Variants in COL11A1 observed in about 807,000 individuals in gnomAD.
The protein encoded by COL11A1 is collagen alpha-1(XI) chain.
COL11A1 carries 74 observed loss-of-function variants against 265.2 expected under a neutral mutation model. The observed-to-expected ratio is 0.28, with a 90% confidence interval of 0.23 to 0.34. COL11A1 has a LOEUF of 0.34. COL11A1 is among the 10% of genes least tolerant of loss of function. The pLI is 1.00. For synonymous variants in COL11A1, 816 were observed against 727.6 expected (o/e 1.12, Z -1.96); for missense variants, 2,165 against 2,263.6 (o/e 0.96, Z 0.88).
At chr1:103,040,249 T>C (rs1251100388) in intron 4 of COL11A1, among the ~76,000 whole-genome samples, 2 of 151,424 alleles carry the variant, frequency 1.3e-5, no homozygotes, top group African/African-American at 4.8e-5. Context: ...TTGAACTATG[T>C]GTGTATACAT....
intron 25 of COL11A1, among the ~76,000 whole-genome samples, chr1:102,997,513 C>T (rs1434234327): frequency 6.6e-6 from 1 of 151,848 alleles, no homozygotes; most frequent in Non-Finnish European, 1.5e-5. Context: ...TTCAAAGGGG[C>T]ACTAAGACAT....
intron 24 of COL11A1, among the ~76,000 whole-genome samples, chr1:102,998,727 T>C (rs556771415): frequency 7.9e-5 from 12 of 152,012 alleles, no homozygotes; most frequent in Admixed American, 2.0e-4. Context: ...AAGATTGTAT[T>C]ATTTCCCTCA....
At chr1:103,030,533 C>CT (rs1324585044) in intron 5 of COL11A1, among the ~76,000 whole-genome samples, 1 of 150,870 alleles carries the variant, frequency 6.6e-6, no homozygotes, top group Admixed American at 6.6e-5. Context: ...TTTTAAAACT[C>CT]TAAGTCTTAA....
At chr1:103,054,571 TTTGTTG>T (rs906918781) in intron 4 of COL11A1, among the ~76,000 whole-genome samples, 2 of 151,854 alleles carry the variant, frequency 1.3e-5, no homozygotes, top group African/African-American at 2.4e-5. Flanking sequence ...AAAAGGGTGT[TTTGTTG>T]TTGTTGTTGT....
chr1:102,953,842 G>A (rs1326090084), intron 41 of COL11A1, among the ~76,000 whole-genome samples: 1 of 152,056 alleles, frequency 6.6e-6, no homozygotes, highest in African/African-American at 2.4e-5. Context: ...TTGTATACTT[G>A]TCTCTCTGTA....
intron 29 of COL11A1, 131 bp from the exon 30 acceptor site, chr1:102,987,871 C>T (rs1663737203): frequency 4.2e-6 from 3 of 716,858 alleles, no homozygotes; most frequent in Middle Eastern, 3.7e-4. Context: ...TCAAACTGCC[C>T]TTGATCGTTC....
chr1:102,984,100 C>T (rs542294516), intron 31 of COL11A1, 38 bp downstream of exon 31: 87 of 1,390,360 alleles, frequency 6.3e-5, no homozygotes, highest in East Asian at 3.0e-4. Flanking sequence ...ATTATCTTCA[C>T]GAAATGTTAA....
At chr1:103,099,595 TA>T in intron 1 of COL11A1, among the ~76,000 whole-genome samples, 1 of 151,818 alleles carries the variant, frequency 6.6e-6, no homozygotes, top group African/African-American at 2.4e-5. Context: ...ATGAGAGGAC[TA>T]TTTCCAATGA....
chr1:102,974,500 C>T (rs971950162), intron 36 of COL11A1, among the ~76,000 whole-genome samples: 3 of 151,898 alleles, frequency 2.0e-5, no homozygotes, highest in African/African-American at 7.3e-5. Flanking sequence ...AAGATAAATT[C>T]GAATATACCA....
Position 102,883,300 on chromosome 1 carries a change from T to A in COL11A1, c.4870A>T (p.Ile1624Phe). 1 of 1,610,786 alleles carries A rather than the reference T, an allele frequency of 6.2e-7. No individual in the cohort carries two copies. Residue 1624 changes from isoleucine to phenylalanine, a missense_variant, in exon 64 of 67, where the codon ATT becomes TTT. Transcript: ENST00000370096. The stretch of plus-strand genomic sequence containing the variant: ...CCTGAGCAACCTTGGTTAGGATCAA[T>A]CCAATATTCACCTAGAAGGTAGCAA... ...HPDFPDGEYW[I>F]DPNQGCSGDS... is the part of the protein sequence containing the mutation.
chr1:102,942,372 G>A (rs1049383377), intron 42 of COL11A1, among the ~76,000 whole-genome samples: 1 of 151,974 alleles, frequency 6.6e-6, no homozygotes. Flanking sequence ...TCTGACCCTG[G>A]TCTGTGTGAT....
chr1:102,936,422 A>G (rs1658151675), intron 44 of COL11A1, among the ~76,000 whole-genome samples: 1 of 152,140 alleles, frequency 6.6e-6, no homozygotes, highest in Non-Finnish European at 1.5e-5. Flanking sequence ...ATAAATAATA[A>G]GTGTGATTAT....
At chr1:103,022,013 A>ATTTTTTTTT (rs11381607) in intron 8 of COL11A1, among the ~76,000 whole-genome samples, 1 of 139,580 alleles carries the variant, frequency 7.2e-6, no homozygotes, top group Non-Finnish European at 1.5e-5. Context: ...CACCTAGCTA[A>ATTTTTTTTT]TTTTTTTTTT....
Position 103,008,560 on chromosome 1 carries a change from C to G in COL11A1, c.1630-44G>C, listed in dbSNP as rs377082923. On this transcript the variant is annotated intron_variant, in intron 14 of 66. Transcript: ENST00000370096. ...GATATTTCACTTAATTTAGCAATTT[C>G]CTAACTACTTTTATCCTGCCAATTG... is the stretch of plus-strand genomic sequence containing the variant. The G allele has an allele frequency of 4.6e-6, 7 of 1,521,434 alleles. No individual in the cohort carries two copies. In the African/African-American group the frequency reaches 8.2e-5, roughly 18 times the overall value. The allele number at this position is 1,521,434 out of a possible 1,614,324, so 94.2% of individuals were successfully genotyped here.
intron 8 of COL11A1, 92 bp downstream of exon 8, chr1:103,022,650 T>C: frequency 6.5e-7 from 1 of 1,527,124 alleles, no homozygotes; most frequent in African/African-American, 1.4e-5. Flanking sequence ...TCAACCTGCA[T>C]TTTAAACCTG....
At chr1:102,887,612 A>C (rs539108639) in intron 62 of COL11A1, among the ~76,000 whole-genome samples, 38 of 152,292 alleles carry the variant, frequency 2.5e-4, no homozygotes, top group African/African-American at 8.2e-4. Flanking sequence ...GAGCAGAGCT[A>C]TATCAAATAG....
At chr1:103,002,019 A>G in intron 23 of COL11A1, 50 bp from the exon 24 acceptor site, 1 of 1,502,470 alleles carries the variant, frequency 6.7e-7, no homozygotes, top group Non-Finnish European at 9.3e-7. Flanking sequence ...TCACAGTAAT[A>G]TGCTTTTAAA....
At chr1:102,939,207 T>A in intron 43 of COL11A1, 119 bp from the exon 44 acceptor site, 2 of 913,468 alleles carry the variant, frequency 2.2e-6, no homozygotes, top group South Asian at 1.4e-5. Context: ...GTAATGTCAC[T>A]GTTTAAAATG....
At chr1:103,095,197 T>TTCCCAATAATTCTATCCATTATTGG (rs1462578158) in intron 1 of COL11A1, among the ~76,000 whole-genome samples, 4 of 152,064 alleles carry the variant, frequency 2.6e-5, no homozygotes, top group Non-Finnish European at 5.9e-5. Context: ...AATTATTGGA[T>TTCCCAATAATTCTATCCATTATTGG]ATAGATGACC....
Sources: gnomAD v4.1 joint callset for allele counts (sites outside exome capture counted in the v4.1 genomes callset) on GRCh38, gnomAD v4.1.1 for gene constraint, MANE v1.5 for transcripts, NCBI Gene and HGNC (gene_info 2026-07-23, HGNC 2026-07-21) for gene names.